SFMBT2: variants seen among roughly 807,000 people sequenced by gnomAD.
The protein encoded by SFMBT2 is Scm like with four mbt domains 2.
A neutral mutation model predicts 110.1 loss-of-function variants in SFMBT2; 38 were observed. The observed-to-expected ratio is 0.35, with a 90% CI of 0.27 to 0.45. The LOEUF (loss-of-function observed/expected upper bound fraction) is 0.45, where lower values mean the gene tolerates loss of function less well. Among genes scored for constraint, SFMBT2 ranks in the 20% least tolerant of loss-of-function variants. The pLI is 1.00. For synonymous variants in SFMBT2, 425 were observed against 425.4 expected (o/e 1.00, Z 0.01); for missense variants, 1,011 against 1,094.9 (o/e 0.92, Z 1.08).
intron 3 of SFMBT2, chr10:7,368,366 T>C (rs1327225384): frequency 2.0e-6 from 2 of 985,244 alleles, no homozygotes; most frequent in East Asian, 2.3e-4. Flanking sequence ...TTAAGGGTGA[T>C]AGTCTGTTGA....
chr10:7,286,451 T>A lies in SFMBT2; in HGVS notation c.437-497A>T, dbSNP rs559486005. 2.7e-5 allele frequency: 23 copies of A among 846,888 alleles called. No homozygotes were observed. The East Asian group carries it at 2.0e-3, about 73-fold the overall frequency. The allele number at this position is 846,888 out of a possible 1,614,324, so 52.5% of individuals were successfully genotyped here. A position where few individuals can be genotyped will look rare whatever the true frequency, so the allele number is the denominator to read the frequency against. On this transcript the variant is annotated intron_variant, in intron 4 of 20. Coordinates refer to ENST00000397167, the MANE Select transcript of SFMBT2 (RefSeq NM_001387889.1). The stretch of plus-strand genomic sequence containing the variant: ...AAGGTGAAATGGAGAAATAGAGAAA[T>A]GGGGAGAATAAGTAGTCCCCTCCAT...
At chr10:7,204,179 T>C (rs1331695911) in intron 12 of SFMBT2, 3 of 258,256 alleles carry the variant, frequency 1.2e-5, no homozygotes, top group Middle Eastern at 2.0e-3. Context: ...GAGAATCCCA[T>C]AGAATCCAGC....
chr10:7,206,930 G>A, intron 11 of SFMBT2: 3 of 985,396 alleles, frequency 3.0e-6, no homozygotes, highest in Non-Finnish European at 3.6e-6. Flanking sequence ...GAACCAAGAT[G>A]AAGATAACAC....
intron 4 of SFMBT2, among the ~76,000 whole-genome samples, chr10:7,309,999 T>C (rs1842805450): frequency 6.6e-6 from 1 of 152,218 alleles, no homozygotes; most frequent in South Asian, 2.1e-4. Context: ...CGCTGTATTC[T>C]GCAGATGTTT....
intron 7 of SFMBT2, among the ~76,000 whole-genome samples, chr10:7,251,463 G>A (rs1316690926): frequency 6.6e-6 from 1 of 152,164 alleles, no homozygotes; most frequent in Non-Finnish European, 1.5e-5. Context: ...GACAGGGTGA[G>A]ACTCCATCTC....
chr10:7,215,296 T>C (rs1839496711), intron 11 of SFMBT2, among the ~76,000 whole-genome samples: 1 of 152,070 alleles, frequency 6.6e-6, no homozygotes, highest in South Asian at 2.1e-4. Context: ...TTCCAGCTAC[T>C]CAGGAGGCTG....
At chr10:7,221,649 ATCTT>A (rs1839743969) in intron 10 of SFMBT2, among the ~76,000 whole-genome samples, 1 of 151,010 alleles carries the variant, frequency 6.6e-6, no homozygotes, top group Non-Finnish European at 1.5e-5. Flanking sequence ...ATTTGAAACT[ATCTT>A]TATTTTCCCT....
intron 16 of SFMBT2, among the ~76,000 whole-genome samples, chr10:7,178,147 G>A (rs1838133632): frequency 6.6e-6 from 1 of 152,142 alleles, no homozygotes; most frequent in South Asian, 2.1e-4. Flanking sequence ...GACAAGAATG[G>A]GGACCCCCGG....
At chr10:7,283,148 A>G (rs1262755377) in intron 6 of SFMBT2, among the ~76,000 whole-genome samples, 2 of 152,208 alleles carry the variant, frequency 1.3e-5, no homozygotes, top group African/African-American at 4.8e-5. Context: ...GAATCAAAAC[A>G]AACAATGTAC....
chr10:7,373,132 A>C (rs780127791), intron 2 of SFMBT2, among the ~76,000 whole-genome samples: 37 of 150,698 alleles, frequency 2.5e-4, no homozygotes, highest in Non-Finnish European at 5.1e-4. Flanking sequence ...CCTCATGACT[A>C]GATTAATGTC....
intron 6 of SFMBT2, among the ~76,000 whole-genome samples, chr10:7,277,666 T>C (rs1457073377): frequency 1.3e-5 from 2 of 152,138 alleles, no homozygotes; most frequent in African/African-American, 4.8e-5. Flanking sequence ...GAGCACTGTT[T>C]TTACCTATTG....
intron 11 of SFMBT2, chr10:7,215,805 A>T: frequency 4.6e-6 from 4 of 879,092 alleles, no homozygotes; most frequent in Non-Finnish European, 5.5e-6. Flanking sequence ...TCTACTAGGG[A>T]TGGCTCCCCG....
At chr10:7,196,659 C>T (rs1838777472) in intron 15 of SFMBT2, among the ~76,000 whole-genome samples, 1 of 152,220 alleles carries the variant, frequency 6.6e-6, no homozygotes, top group Non-Finnish European at 1.5e-5. Context: ...ACCTGACAAA[C>T]ATTTGTTCAA....
At chr10:7,376,386 G>A (rs1047983424) in intron 2 of SFMBT2, among the ~76,000 whole-genome samples, 7 of 151,974 alleles carry the variant, frequency 4.6e-5, no homozygotes, top group African/African-American at 1.2e-4. Context: ...CTTGGGTGTC[G>A]GTTATTGATC....
chr10:7,286,112 C>T (rs1842079094), intron 4 of SFMBT2, among the ~76,000 whole-genome samples, 158 bp from the exon 5 acceptor site: 1 of 152,194 alleles, frequency 6.6e-6, no homozygotes. Context: ...TAAGTAAATA[C>T]TAAAACTGAG....
chr10:7,281,750 C>G (rs529043335), intron 6 of SFMBT2, among the ~76,000 whole-genome samples: 1 of 152,312 alleles, frequency 6.6e-6, no homozygotes, highest in South Asian at 2.1e-4. Context: ...TGTCTTGTCA[C>G]TTTTTAGTTT....
intron 4 of SFMBT2, among the ~76,000 whole-genome samples, chr10:7,327,401 T>C (rs1320542589): frequency 2.0e-5 from 3 of 152,034 alleles, no homozygotes; most frequent in African/African-American, 4.8e-5. Context: ...CCGGGGCAAC[T>C]ACTGATCTAA....
At chr10:7,204,531 TAGA>T (rs1436989579) in intron 12 of SFMBT2, 2 of 948,506 alleles carry the variant, frequency 2.1e-6, no homozygotes, top group Non-Finnish European at 2.5e-6. Context: ...TTTATTAGGT[TAGA>T]AGATTTTTAA....
At chr10:7,274,855 CA>C (rs958558618) in intron 7 of SFMBT2, among the ~76,000 whole-genome samples, 283 of 140,528 alleles carry the variant, frequency 2.0e-3, no homozygotes, top group Non-Finnish European at 1.7e-3. Context: ...ACCGTTTCTC[CA>C]AAAAAAAAAA....
Sources: gnomAD v4.1 joint callset for allele counts (sites outside exome capture counted in the v4.1 genomes callset) on GRCh38, gnomAD v4.1.1 for gene constraint, MANE v1.5 for transcripts, NCBI Gene and HGNC (gene_info 2026-07-23, HGNC 2026-07-21) for gene names.